Variants in GRM8 observed in about 807,000 individuals in gnomAD.
GRM8 encodes metabotropic glutamate receptor 8.
A neutral mutation model predicts 87.2 loss-of-function variants in GRM8; 47 were observed. That is an observed-to-expected ratio of 0.54 (90% confidence interval 0.43 to 0.69). The LOEUF (loss-of-function observed/expected upper bound fraction) is 0.69. Ranked by LOEUF, GRM8 falls within the 30% of genes least tolerant of loss-of-function variation. GRM8 has a pLI of 0.00. For missense variants in GRM8, 1,019 were observed against 1,139.2 expected (o/e 0.89, Z 1.52); for synonymous variants, 396 against 404.5 (o/e 0.98, Z 0.25).
intron 8 of GRM8, among the ~76,000 whole-genome samples, chr7:126,600,675 C>G (rs1451858681): frequency 6.6e-6 from 1 of 152,062 alleles, no homozygotes; most frequent in African/African-American, 2.4e-5. Flanking sequence ...CTGGGCTTGG[C>G]AAGGATGTGG....
chr7:126,904,994 T>C (rs1802533724), intron 3 of GRM8, among the ~76,000 whole-genome samples: 1 of 152,204 alleles, frequency 6.6e-6, no homozygotes, highest in African/African-American at 2.4e-5. Context: ...AAGGGATCTT[T>C]TGATTTATGC....
intron 8 of GRM8, among the ~76,000 whole-genome samples, chr7:126,582,399 G>T (rs1795696270): frequency 6.6e-6 from 1 of 152,122 alleles, no homozygotes; most frequent in Non-Finnish European, 1.5e-5. Context: ...GCAGAGGTTT[G>T]TTCATGAGAT....
At chr7:126,599,904 G>T (rs1242837373) in intron 8 of GRM8, among the ~76,000 whole-genome samples, 1 of 152,104 alleles carries the variant, frequency 6.6e-6, no homozygotes, top group Non-Finnish European at 1.5e-5. Context: ...ATCCCAGCCT[G>T]CACTAGAGCA....
intron 6 of GRM8, among the ~76,000 whole-genome samples, chr7:126,795,211 C>A (rs1413059828): frequency 1.3e-5 from 2 of 152,032 alleles, no homozygotes; most frequent in African/African-American, 4.8e-5. Flanking sequence ...TGATACTAAA[C>A]CTAGGCTCTA....
intron 6 of GRM8, among the ~76,000 whole-genome samples, chr7:126,855,860 G>A (rs533273934): frequency 1.3e-5 from 2 of 152,184 alleles, no homozygotes; most frequent in South Asian, 4.1e-4. Flanking sequence ...AGCAATCAAA[G>A]AGGTGATAAA....
intron 3 of GRM8, among the ~76,000 whole-genome samples, chr7:127,104,105 C>T (rs1040551214): frequency 3.3e-5 from 5 of 152,066 alleles, no homozygotes; most frequent in African/African-American, 1.2e-4. Flanking sequence ...CAGAGGAAGC[C>T]TCAATTTACA....
intron 8 of GRM8, among the ~76,000 whole-genome samples, chr7:126,549,639 T>G (rs1368794666): frequency 6.6e-6 from 1 of 152,190 alleles, no homozygotes; most frequent in Non-Finnish European, 1.5e-5. Context: ...TAGGAGAAAC[T>G]CTTATGATCA....
intron 2 of GRM8, among the ~76,000 whole-genome samples, chr7:127,143,675 T>A (rs1461097457): frequency 6.6e-6 from 1 of 152,184 alleles, no homozygotes; most frequent in African/African-American, 2.4e-5. Flanking sequence ...AAAGGCCATG[T>A]AGCTCCACAA....
At chr7:127,178,574 A>C (rs1162977105) in intron 2 of GRM8, among the ~76,000 whole-genome samples, 1 of 152,218 alleles carries the variant, frequency 6.6e-6, no homozygotes, top group Non-Finnish European at 1.5e-5. Context: ...GTTAAGAGGA[A>C]GGAAAGAAAC....
chr7:127,034,930 A>G (rs1235142660), intron 3 of GRM8, among the ~76,000 whole-genome samples: 1 of 152,180 alleles, frequency 6.6e-6, no homozygotes, highest in South Asian at 2.1e-4. Context: ...GGCATGAAAA[A>G]AAATATCTGC....
chr7:126,640,993 T>C (rs1802324398), intron 7 of GRM8, among the ~76,000 whole-genome samples: 1 of 152,184 alleles, frequency 6.6e-6, no homozygotes, highest in Non-Finnish European at 1.5e-5. Flanking sequence ...CAATATATTC[T>C]ACTATTATTA....
chr7:127,057,069 T>C (rs1820069879), intron 3 of GRM8, among the ~76,000 whole-genome samples: 4 of 152,222 alleles, frequency 2.6e-5, no homozygotes, highest in Admixed American at 2.6e-4. Context: ...TTTGCTCAAA[T>C]TATATTCACC....
intron 9 of GRM8, among the ~76,000 whole-genome samples, chr7:126,449,716 G>C (rs1038881096): frequency 6.6e-6 from 1 of 151,822 alleles, no homozygotes; most frequent in African/African-American, 2.4e-5. Flanking sequence ...TTATCTCAAA[G>C]TTACAGCTCA....
At chr7:126,815,950 A>G (rs1793747543) in intron 6 of GRM8, among the ~76,000 whole-genome samples, 2 of 152,128 alleles carry the variant, frequency 1.3e-5, no homozygotes, top group Admixed American at 1.3e-4. Flanking sequence ...TTCCATGAGA[A>G]TGATGCAAAG....
intron 2 of GRM8, among the ~76,000 whole-genome samples, chr7:127,202,098 T>C (rs1795645530): frequency 1.3e-5 from 2 of 152,170 alleles, no homozygotes; most frequent in African/African-American, 4.8e-5. Flanking sequence ...ATGTATATAC[T>C]TGTGTATGTG....
In GRM8 at chr7:126,788,409, C is replaced by CAAAAA. The variant is rs67131936; in HGVS notation, c.1157-18349_1157-18345dup. On this transcript the variant is annotated intron_variant, in intron 6 of 10. Transcript: ENST00000339582. ...TGGGTATCAGAGCAAGACTCCATCT[C>CAAAAA]AAAAAAAAAAAAAACCCTTTCAGAT... 1.3e-3 allele frequency among the ~76,000 whole-genome samples: 14 copies of CAAAAA among 10,794 alleles called. 3 individuals are homozygous for CAAAAA. The highest frequency in any genetic ancestry group is 5.7e-3 in the East Asian group (2 of 348). 7.1% of individuals were successfully genotyped at this position (10,794 alleles called of 152,430 possible).
In GRM8 at chr7:126,947,075, C is replaced by T. The variant is rs1297897167; in HGVS notation, c.728-42392G>A. Among the ~76,000 whole-genome samples, 5 of 152,168 alleles carry T rather than the reference C, an allele frequency of 3.3e-5. No individual in the cohort carries two copies. The East Asian group carries it at 9.6e-4, about 29-fold the overall frequency. Reference sequence around the variant, plus strand: ...GAGGCTTAAGTGGGTTATTTTAGCACATCTTCTAGCATGGTGTGTCATGTC... The same window carrying T: ...GAGGCTTAAGTGGGTTATTTTAGCATATCTTCTAGCATGGTGTGTCATGTC... On this transcript the variant is annotated intron_variant, in intron 3 of 10. Coordinates refer to ENST00000339582, the MANE Select transcript of GRM8 (RefSeq NM_000845.3).
chr7:126,462,482 A>T (rs1251537217), intron 9 of GRM8, among the ~76,000 whole-genome samples: 3 of 151,636 alleles, frequency 2.0e-5, no homozygotes, highest in Non-Finnish European at 4.4e-5. Context: ...TGGCATAAAG[A>T]CAATTATCAC....
In GRM8 at chr7:127,032,067, T is replaced by C. The variant is rs145999048; in HGVS notation, c.727+74429A>G. On this transcript the variant is annotated intron_variant, in intron 3 of 10. Coordinates refer to ENST00000339582, the MANE Select transcript of GRM8 (RefSeq NM_000845.3). ...AGAAGTAAATGAAGATGTGAATTGGTCTTTCTTTTCTCCATATCTATCCTA... is the reference window on the plus strand; with the variant it reads ...AGAAGTAAATGAAGATGTGAATTGGCCTTTCTTTTCTCCATATCTATCCTA... 5.4e-3 allele frequency among the ~76,000 whole-genome samples: 823 copies of C among 152,280 alleles called. 4 individuals carry two copies. Among genetic ancestry groups the C allele is most frequent in the Non-Finnish European group, 8.6e-3 (582 of 68,016 alleles).
Sources: allele counts gnomAD v4.1 joint callset (sites outside exome capture counted in the v4.1 genomes callset), GRCh38; gene constraint gnomAD v4.1.1; transcripts MANE v1.5; gene names NCBI Gene and HGNC (gene_info 2026-07-23, HGNC 2026-07-21).